Variants in TTLL5 observed in about 807,000 individuals in gnomAD.
TTLL5 encodes tubulin tyrosine ligase like 5.
TTLL5 carries 132 observed loss-of-function variants against 168.4 expected under a neutral mutation model. The ratio of observed to expected loss-of-function variants is 0.78; its 90% CI spans 0.68 to 0.91. TTLL5 has a LOEUF of 0.91. Among genes scored for constraint, TTLL5 ranks in the 40% least tolerant of loss-of-function variants. The pLI is 0.00. For synonymous variants in TTLL5, 546 were observed against 558.6 expected (o/e 0.98, Z 0.32); for missense variants, 1,545 against 1,581.5 (o/e 0.98, Z 0.39).
At chr14:75,699,294 CCT>C in intron 7 of TTLL5, 24 bp downstream of exon 7, 1 of 1,587,180 alleles carries the variant, frequency 6.3e-7, no homozygotes, top group Non-Finnish European at 8.7e-7. Flanking sequence ...AGATGGCAAA[CCT>C]CTCTCCTCAC....
At chr14:75,730,545 T>G (rs565584612) in intron 12 of TTLL5, among the ~76,000 whole-genome samples, 1 of 152,206 alleles carries the variant, frequency 6.6e-6, no homozygotes, top group Non-Finnish European at 1.5e-5. Flanking sequence ...AAATTTTCCC[T>G]AGAGGATTTA....
rs1566596891 is a variant in TTLL5, at chr14:75,771,731, T to C, written c.2016-3T>C. 6.2e-7 allele frequency: 1 copy of C among 1,613,310 alleles called. No individual in the cohort carries two copies. The highest frequency in any genetic ancestry group is 8.5e-7 in the Non-Finnish European group (1 of 1,179,722). On this transcript the variant is annotated splice_polypyrimidine_tract_variant and splice_region_variant and intron_variant, in intron 20 of 31. Coordinates refer to ENST00000298832, the MANE Select transcript of TTLL5 (RefSeq NM_015072.5). ...AACGGTATGTTGTTTTGGATTTCTATAGCAAAATGCAGGCCCGAATAGCAT... is the reference window on the plus strand; with the variant it reads ...AACGGTATGTTGTTTTGGATTTCTACAGCAAAATGCAGGCCCGAATAGCAT...
intron 5 of TTLL5, among the ~76,000 whole-genome samples, chr14:75,688,099 G>A (rs1885202357): frequency 6.6e-6 from 1 of 152,168 alleles, no homozygotes; most frequent in South Asian, 2.1e-4. Context: ...AGTGAGAAGT[G>A]TCCTTTTATA....
intron 18 of TTLL5, among the ~76,000 whole-genome samples, chr14:75,753,648 C>G (rs1435905087): frequency 6.6e-6 from 1 of 152,124 alleles, no homozygotes; most frequent in Non-Finnish European, 1.5e-5. Context: ...ATTTCATGAT[C>G]TACTATCAGG....
intron 4 of TTLL5, among the ~76,000 whole-genome samples, chr14:75,682,359 C>T (rs185819385): frequency 2.0e-5 from 3 of 152,108 alleles, no homozygotes; most frequent in South Asian, 2.1e-4. Context: ...GGAAGGTCCC[C>T]GAGTGAAGGT....
intron 7 of TTLL5, among the ~76,000 whole-genome samples, chr14:75,706,669 T>C (rs578204191): frequency 6.6e-6 from 1 of 152,160 alleles, no homozygotes; most frequent in Non-Finnish European, 1.5e-5. Context: ...CAAGTTTTCA[T>C]TTATTTTTAA....
chr14:75,917,891 G>A (rs533775152), intron 31 of TTLL5, among the ~76,000 whole-genome samples: 1 of 152,208 alleles, frequency 6.6e-6, no homozygotes, highest in African/African-American at 2.4e-5. Flanking sequence ...GAAACTCCGA[G>A]AAATCAGTGG....
chr14:75,893,615 G>A (rs528417670), intron 30 of TTLL5, among the ~76,000 whole-genome samples: 3 of 151,834 alleles, frequency 2.0e-5, no homozygotes, highest in Non-Finnish European at 4.4e-5. Flanking sequence ...TCAGGAGATC[G>A]AGACCATCCT....
chr14:75,788,011 A>G (rs982725177), intron 26 of TTLL5, among the ~76,000 whole-genome samples: 2 of 152,168 alleles, frequency 1.3e-5, no homozygotes, highest in African/African-American at 4.8e-5. Flanking sequence ...TTAAATAATT[A>G]TAGTTGGTGT....
intron 6 of TTLL5, among the ~76,000 whole-genome samples, chr14:75,694,338 C>G (rs1048876668): frequency 6.6e-6 from 1 of 152,094 alleles, no homozygotes; most frequent in African/African-American, 2.4e-5. Context: ...CCAGAAGAAG[C>G]ATTAACTTCT....
intron 20 of TTLL5, among the ~76,000 whole-genome samples, chr14:75,770,196 A>AAAG (rs1891212269): frequency 6.6e-6 from 1 of 151,440 alleles, no homozygotes; most frequent in Non-Finnish European, 1.5e-5. Flanking sequence ...AAAAAAAAAA[A>AAAG]AAGAAAATAT....
At chr14:75,907,519 C>G (rs977472066) in intron 31 of TTLL5, among the ~76,000 whole-genome samples, 4 of 152,176 alleles carry the variant, frequency 2.6e-5, no homozygotes, top group Admixed American at 2.0e-4. Context: ...ATTTGAGAAA[C>G]GTTATTCATC....
chr14:75,950,449 A>G (rs2034926568), intron 31 of TTLL5, among the ~76,000 whole-genome samples: 1 of 152,234 alleles, frequency 6.6e-6, no homozygotes, highest in Non-Finnish European at 1.5e-5. Flanking sequence ...CTAAGATGCC[A>G]TGAAGATATT....
At chr14:75,921,295 T>A (rs2033817259) in intron 31 of TTLL5, among the ~76,000 whole-genome samples, 1 of 152,242 alleles carries the variant, frequency 6.6e-6, no homozygotes, top group African/African-American at 2.4e-5. Flanking sequence ...CATGAAGTCC[T>A]TGCTCATGCC....
chr14:75,951,905 G>A (rs910556661), intron 31 of TTLL5, among the ~76,000 whole-genome samples: 6 of 152,068 alleles, frequency 3.9e-5, no homozygotes, highest in Non-Finnish European at 8.8e-5. Context: ...GACATCAAAA[G>A]CATAAGCAAC....
intron 15 of TTLL5, among the ~76,000 whole-genome samples, chr14:75,743,647 TCTC>T (rs1299676912): frequency 7.1e-6 from 1 of 141,006 alleles, no homozygotes; most frequent in Non-Finnish European, 1.5e-5. Flanking sequence ...AGTGGCGTGA[TCTC>T]AGCTCACTGC....
In TTLL5 at chr14:75,803,576, G is replaced by A. The variant is rs369366143; in HGVS notation, c.3171+10476G>A. Among the ~76,000 whole-genome samples, 286 of 152,324 alleles carry A rather than the reference G, an allele frequency of 1.9e-3. 4 individuals carry two copies. In the South Asian group the frequency reaches 0.026, roughly 14 times the overall value. ...AACTTAGAAATCTGAGCAGAGAGCA[G>A]GTCAAATTTAATTCTTTCCCTTGGC... On this transcript the variant is annotated intron_variant, in intron 27 of 31. Coordinates refer to ENST00000298832, the MANE Select transcript of TTLL5 (RefSeq NM_015072.5).
intron 30 of TTLL5, among the ~76,000 whole-genome samples, chr14:75,893,376 A>G (rs1268380978): frequency 2.0e-5 from 3 of 152,246 alleles, no homozygotes; most frequent in African/African-American, 7.2e-5. Context: ...ATTACCAGGG[A>G]GAAAATCTGC....
intron 9 of TTLL5, among the ~76,000 whole-genome samples, chr14:75,708,547 G>A (rs1051260637): frequency 6.6e-6 from 1 of 151,846 alleles, no homozygotes; most frequent in South Asian, 2.1e-4. Flanking sequence ...GGATGGTCTC[G>A]ATCTCCTGAC....
Sources: gnomAD v4.1 joint callset for allele counts (sites outside exome capture counted in the v4.1 genomes callset) on GRCh38, gnomAD v4.1.1 for gene constraint, MANE v1.5 for transcripts, NCBI Gene and HGNC (gene_info 2026-07-23, HGNC 2026-07-21) for gene names.